MSI2: variants seen among roughly 807,000 people sequenced by gnomAD.
MSI2 encodes musashi RNA binding protein 2.
A neutral mutation model predicts 45.6 loss-of-function variants in MSI2; 17 were observed. The observed-to-expected ratio is 0.37, with a 90% CI of 0.26 to 0.56. The LOEUF is 0.56. Ranked by LOEUF, MSI2 falls within the 20% of genes least tolerant of loss-of-function variation. The pLI, the probability that MSI2 is intolerant of heterozygous loss-of-function variation, is 0.77. For missense variants in MSI2, 293 were observed against 444.2 expected (o/e 0.66, Z 3.06); for synonymous variants, 156 against 158.2 (o/e 0.99, Z 0.11).
intron 8 of MSI2, among the ~76,000 whole-genome samples, chr17:57,615,100 G>A (rs926958925): frequency 4.8e-4 from 72 of 151,540 alleles, no homozygotes; most frequent in Non-Finnish European, 6.0e-4. Flanking sequence ...CTGTTGGGGA[G>A]GGCTTTCAGC....
intron 5 of MSI2, among the ~76,000 whole-genome samples, chr17:57,288,458 C>A (rs1241028956): frequency 6.6e-6 from 1 of 152,212 alleles, no homozygotes; most frequent in African/African-American, 2.4e-5. Flanking sequence ...TCCCCCTAAC[C>A]TTCCTGGTGT....
Position 57,599,170 on chromosome 17 carries a change from C to G in MSI2, c.537+2220C>G, listed in dbSNP as rs543528337. 2.0e-3 allele frequency among the ~76,000 whole-genome samples: 302 copies of G among 152,242 alleles called. 1 individual carries two copies. Among genetic ancestry groups the G allele is most frequent in the Middle Eastern group, 0.01 (3 of 294 alleles). Reference sequence around the variant, plus strand: ...TCATCAGGAAAGGCCAGATGTAGACCGGAAGGACATTGCTCCATTTGTCAC... The same window carrying G: ...TCATCAGGAAAGGCCAGATGTAGACGGGAAGGACATTGCTCCATTTGTCAC... On this transcript the variant is annotated intron_variant, in intron 8 of 13. Transcript: ENST00000284073.
At chr17:57,343,051 A>G (rs1402086957) in intron 5 of MSI2, among the ~76,000 whole-genome samples, 1 of 152,208 alleles carries the variant, frequency 6.6e-6, no homozygotes, top group African/African-American at 2.4e-5. Context: ...ATCTGATAGC[A>G]GATTTTAAAA....
chr17:57,296,866 TG>T (rs1234487125), intron 5 of MSI2, among the ~76,000 whole-genome samples: 2 of 152,316 alleles, frequency 1.3e-5, no homozygotes, highest in Admixed American at 1.3e-4. Flanking sequence ...AAAATTATTT[TG>T]AAATATTAAG....
chr17:57,387,282 T>C (rs960196357), intron 5 of MSI2, among the ~76,000 whole-genome samples: 3 of 152,264 alleles, frequency 2.0e-5, no homozygotes, highest in Non-Finnish European at 2.9e-5. Context: ...CCTGGCGGAC[T>C]GAGTTCTGTT....
chr17:57,387,303 T>C (rs992897199), intron 5 of MSI2, among the ~76,000 whole-genome samples: 1 of 152,254 alleles, frequency 6.6e-6, no homozygotes, highest in East Asian at 1.9e-4. Context: ...TGATTGGTGA[T>C]ATTTTTGCTG....
At chr17:57,641,803 T>C (rs373588684) in intron 10 of MSI2, among the ~76,000 whole-genome samples, 54 of 152,330 alleles carry the variant, frequency 3.5e-4, no homozygotes, top group African/African-American at 1.3e-3. Context: ...GGCAGATAGA[T>C]GTTTGTTCTG....
intron 5 of MSI2, among the ~76,000 whole-genome samples, chr17:57,400,185 C>A (rs2083964005): frequency 6.6e-6 from 1 of 151,426 alleles, no homozygotes; most frequent in African/African-American, 2.4e-5. Context: ...AATTTATTTT[C>A]TTGATTTTGG....
chr17:57,364,805 A>AT (rs1310057630), intron 5 of MSI2: 1 of 152,194 alleles, frequency 6.6e-6, no homozygotes, highest in East Asian at 1.9e-4. Flanking sequence ...CTAAAAACAG[A>AT]AACAATAGGA....
chr17:57,323,737 G>GC (rs1913540972), intron 5 of MSI2, among the ~76,000 whole-genome samples: 1 of 152,256 alleles, frequency 6.6e-6, no homozygotes, highest in Non-Finnish European at 1.5e-5. Context: ...ACTGTCTGCC[G>GC]CTGTGGGTGT....
At chr17:57,520,064 AAG>A (rs1173635894) in intron 6 of MSI2, among the ~76,000 whole-genome samples, 1 of 152,208 alleles carries the variant, frequency 6.6e-6, no homozygotes. Context: ...AAATTTTAAA[AAG>A]AGAAAAAAAA....
intron 5 of MSI2, among the ~76,000 whole-genome samples, chr17:57,325,304 G>A (rs1913692711): frequency 2.6e-5 from 4 of 152,218 alleles, no homozygotes; most frequent in Admixed American, 1.3e-4. Context: ...TGCTCAAAAG[G>A]AGGAAAGTGG....
At chr17:57,634,328 T>A (rs529795898) in intron 10 of MSI2, among the ~76,000 whole-genome samples, 90 of 151,424 alleles carry the variant, frequency 5.9e-4, no homozygotes, top group African/African-American at 2.1e-3. Flanking sequence ...TAGCCCGGAG[T>A]GGTGGCGGGT....
intron 6 of MSI2, among the ~76,000 whole-genome samples, chr17:57,437,095 A>T (rs1018908433): frequency 1.3e-5 from 2 of 152,186 alleles, no homozygotes; most frequent in African/African-American, 2.4e-5. Flanking sequence ...CATCTTCCTG[A>T]TGAGGAGGGA....
At chr17:57,656,215 C>T (rs766629494) in intron 11 of MSI2, among the ~76,000 whole-genome samples, 5 of 152,332 alleles carry the variant, frequency 3.3e-5, no homozygotes, top group Non-Finnish European at 7.3e-5. Flanking sequence ...CCTCCCCTCA[C>T]ACTCCCCGTT....
In MSI2 at chr17:57,339,485, C is replaced by G. The variant is rs1457576952; in HGVS notation, c.313-61894C>G. ...ACTGGCAGCGTTGGTTTGGGCTGCTCCTCCCTCCCTCGGGCCCCCTCCCTG... is the reference window on the plus strand; with the variant it reads ...ACTGGCAGCGTTGGTTTGGGCTGCTGCTCCCTCCCTCGGGCCCCCTCCCTG... On this transcript the variant is annotated intron_variant, in intron 5 of 13. Coordinates refer to ENST00000284073, the MANE Select transcript of MSI2 (RefSeq NM_138962.4). Among the ~76,000 whole-genome samples, 4 of 152,224 alleles carry G rather than the reference C, an allele frequency of 2.6e-5. No individual in the cohort carries two copies. In the Middle Eastern group the frequency reaches 0.014, roughly 518 times the overall value.
At chr17:57,614,143 C>T (rs1453789989) in intron 8 of MSI2, among the ~76,000 whole-genome samples, 1 of 152,114 alleles carries the variant, frequency 6.6e-6, no homozygotes, top group African/African-American at 2.4e-5. Context: ...CTCCACCTCC[C>T]GGGTTCAAGC....
intron 6 of MSI2, among the ~76,000 whole-genome samples, chr17:57,417,230 G>T (rs939062951): frequency 2.3e-4 from 35 of 152,088 alleles, no homozygotes; most frequent in African/African-American, 7.7e-4. Flanking sequence ...ATTTATTCTG[G>T]GCTCCATAAA....
At chr17:57,354,052 C>T (rs1207730760) in intron 5 of MSI2, among the ~76,000 whole-genome samples, 1 of 152,140 alleles carries the variant, frequency 6.6e-6, no homozygotes, top group Non-Finnish European at 1.5e-5. Flanking sequence ...TTAAAATACA[C>T]ATTTGCTAAT....
Sources: allele counts gnomAD v4.1 joint callset (sites outside exome capture counted in the v4.1 genomes callset), GRCh38; gene constraint gnomAD v4.1.1; transcripts MANE v1.5; gene names NCBI Gene and HGNC (gene_info 2026-07-23, HGNC 2026-07-21).